Variants in CADM2 observed in about 807,000 individuals in gnomAD.
CADM2 encodes the protein cell adhesion molecule 2.
Under a neutral mutation model 49.8 loss-of-function variants are expected in CADM2, and 12 were observed. That is an observed-to-expected ratio of 0.24 (90% CI 0.15 to 0.39). CADM2 has a LOEUF of 0.39. CADM2 is among the 10% of genes least tolerant of loss of function. The probability of loss-of-function intolerance (pLI) is 1.00; values close to 1 mark genes in which losing one functional copy is unlikely to be tolerated. For missense variants in CADM2, 378 were observed against 492.3 expected (o/e 0.77, Z 2.20); for synonymous variants, 214 against 175.4 (o/e 1.22, Z -1.74).
intron 1 of CADM2, among the ~76,000 whole-genome samples, chr3:85,089,688 C>G (rs568009625): frequency 6.6e-6 from 1 of 151,886 alleles, no homozygotes; most frequent in Non-Finnish European, 1.5e-5. Flanking sequence ...AATTAGAGTA[C>G]GTCTATTTAC....
chr3:85,695,898 A>G (rs1415842769), intron 1 of CADM2, among the ~76,000 whole-genome samples: 1 of 152,122 alleles, frequency 6.6e-6, no homozygotes, highest in African/African-American at 2.4e-5. Context: ...TTCCCTGTTC[A>G]CAGCACAATG....
At chr3:86,057,816 G>A (rs1738170676) in intron 8 of CADM2, among the ~76,000 whole-genome samples, 1 of 151,970 alleles carries the variant, frequency 6.6e-6, no homozygotes, top group Non-Finnish European at 1.5e-5. Context: ...GATGGGCATT[G>A]GATTCTCCAT....
chr3:84,972,635 G>A (rs1460178041), intron 1 of CADM2, among the ~76,000 whole-genome samples: 1 of 152,082 alleles, frequency 6.6e-6, no homozygotes, highest in Non-Finnish European at 1.5e-5. Flanking sequence ...TTTTGAGTTT[G>A]ATTTCATATT....
At chr3:85,532,580 T>G (rs375115988) in intron 1 of CADM2, among the ~76,000 whole-genome samples, 4 of 152,294 alleles carry the variant, frequency 2.6e-5, no homozygotes, top group East Asian at 3.9e-4. Flanking sequence ...AAAGCATCAG[T>G]GTGTGGTGGC....
chr3:85,901,963 A>T (rs1186501709), intron 5 of CADM2, among the ~76,000 whole-genome samples: 1 of 152,176 alleles, frequency 6.6e-6, no homozygotes, highest in East Asian at 1.9e-4. Flanking sequence ...TCAGTACTTT[A>T]TTCTTTATAA....
intron 1 of CADM2, among the ~76,000 whole-genome samples, chr3:85,722,244 C>G (rs760778118): frequency 2.0e-5 from 3 of 151,310 alleles, no homozygotes; most frequent in Non-Finnish European, 3.0e-5. Flanking sequence ...CTACTCTTAG[C>G]AGAGAGGAGA....
At chr3:85,709,540 G>A (rs1298295810) in intron 1 of CADM2, among the ~76,000 whole-genome samples, 1 of 152,108 alleles carries the variant, frequency 6.6e-6, no homozygotes, top group Non-Finnish European at 1.5e-5. Context: ...TCTTATTTAT[G>A]ATGTGTCAAA....
rs532355481 is a variant in CADM2 at position 84,964,746 on chromosome 3, G to T, written c.61+5078G>T. ...GAGGGCAAGCTCTGAGCCTCACATA[G>T]CTATGCAATTTTCTTATCCTCATTT... On this transcript the variant is annotated intron_variant, in intron 1 of 9. Transcript: ENST00000383699. 2.6e-5 allele frequency among the ~76,000 whole-genome samples: 4 copies of T among 152,256 alleles called. No homozygotes were observed. The East Asian group carries it at 7.7e-4, about 29-fold the overall frequency.
chr3:85,866,836 C>T (rs1438815905), intron 3 of CADM2, among the ~76,000 whole-genome samples: 2 of 152,096 alleles, frequency 1.3e-5, no homozygotes, highest in Non-Finnish European at 2.9e-5. Context: ...TATACATACA[C>T]ACATACGCAA....
At chr3:85,856,389 A>G (rs975160699) in intron 3 of CADM2, among the ~76,000 whole-genome samples, 5 of 152,168 alleles carry the variant, frequency 3.3e-5, no homozygotes, top group African/African-American at 1.2e-4. Flanking sequence ...TAACGGATCT[A>G]TTGGATTTTG....
At chr3:85,018,326 C>T (rs987010121) in intron 1 of CADM2, among the ~76,000 whole-genome samples, 7 of 152,112 alleles carry the variant, frequency 4.6e-5, no homozygotes, top group African/African-American at 1.7e-4. Context: ...TACTACTTGC[C>T]TGTTAAGGAT....
chr3:85,698,241 G>C (rs1053149467), intron 1 of CADM2, among the ~76,000 whole-genome samples: 1 of 152,214 alleles, frequency 6.6e-6, no homozygotes, highest in African/African-American at 2.4e-5. Context: ...GTCCAAGGAA[G>C]TTTCACTCAC....
intron 1 of CADM2, among the ~76,000 whole-genome samples, chr3:85,172,059 T>G (rs923618289): frequency 1.1e-4 from 16 of 152,238 alleles, no homozygotes; most frequent in African/African-American, 3.4e-4. Context: ...ATTATCCTAA[T>G]AAATTAGTCT....
At position 85,107,576 on chromosome 3, in the gene CADM2, CTT is replaced by C. The variant is rs1397773741; in HGVS notation, c.61+147910_61+147911del. 4.6e-5 allele frequency among the ~76,000 whole-genome samples: 7 copies of C among 150,770 alleles called. No individual in the cohort carries two copies. The South Asian group carries it at 1.0e-3, about 23-fold the overall frequency. ...CTCTTTCTTTCTTCTCTCTTTCTCT[CTT>C]TCTTTCTTTTCTTTCTTTCTTTCTC... On this transcript the variant is annotated intron_variant, in intron 1 of 9. Transcript: ENST00000383699.
intron 1 of CADM2, among the ~76,000 whole-genome samples, chr3:85,126,631 TA>T (rs1489702202): frequency 1.3e-5 from 2 of 152,130 alleles, no homozygotes; most frequent in African/African-American, 4.8e-5. Flanking sequence ...CATTCAGTGT[TA>T]AAATTAATAA....
intron 2 of CADM2, among the ~76,000 whole-genome samples, chr3:85,789,470 C>A (rs1382815696): frequency 6.6e-6 from 1 of 152,106 alleles, no homozygotes; most frequent in Non-Finnish European, 1.5e-5. Flanking sequence ...CCCTCTTATT[C>A]TTTTATATTG....
intron 2 of CADM2, among the ~76,000 whole-genome samples, chr3:85,781,461 A>G (rs1044632790): frequency 2.0e-5 from 3 of 152,184 alleles, no homozygotes; most frequent in Admixed American, 6.6e-5. Flanking sequence ...GGCCATGAAC[A>G]CAATGGAGAG....
chr3:85,369,594 C>A (rs2033047820), intron 1 of CADM2, among the ~76,000 whole-genome samples: 1 of 152,110 alleles, frequency 6.6e-6, no homozygotes, highest in African/African-American at 2.4e-5. Context: ...ACATGGAGAA[C>A]CCATCCCTCC....
At chr3:85,971,026 T>C (rs76999609) in intron 8 of CADM2, among the ~76,000 whole-genome samples, 6,178 of 151,620 alleles carry the variant, frequency 0.041, 414 homozygotes, top group African/African-American at 0.14. Context: ...TATTTAAGTA[T>C]GGGTGGATTA....
Sources: allele counts gnomAD v4.1 joint callset (sites outside exome capture counted in the v4.1 genomes callset), GRCh38; gene constraint gnomAD v4.1.1; transcripts MANE v1.5; gene names NCBI Gene and HGNC (gene_info 2026-07-23, HGNC 2026-07-21).